The following ATM variants were observed in gnomAD, a reference collection of about 807,000 sequenced individuals.
The protein encoded by ATM is ATM serine/threonine kinase.
ATM carries 308 observed loss-of-function variants against 387.0 expected under a neutral mutation model. The ratio of observed to expected loss-of-function variants is 0.80; its 90% CI spans 0.73 to 0.87. The LOEUF (loss-of-function observed/expected upper bound fraction) is 0.87. ATM is among the 40% of genes least tolerant of loss of function. The pLI, the probability that ATM is intolerant of heterozygous loss-of-function variation, is 0.00. For missense variants in ATM, 3,312 were observed against 3,560.9 expected (o/e 0.93, Z 1.78); for synonymous variants, 1,156 against 1,187.3 (o/e 0.97, Z 0.54).
At position 108,366,339 on chromosome 11, in the gene ATM, T is replaced by C. The variant is rs1460137110; in HGVS notation, c.*831T>C. Reference sequence around the variant, plus strand: ...GGGCTTCTTCTTTCAGAAATTGTTTTTCATTTCTAATTATGCATCATTTTT... The same window carrying C: ...GGGCTTCTTCTTTCAGAAATTGTTTCTCATTTCTAATTATGCATCATTTTT... On this transcript the variant is annotated 3_prime_UTR_variant, in exon 63 of 63. Transcript: ENST00000675843. 4.7e-6 allele frequency: 1 copy of C among 212,678 alleles called. No homozygotes were observed. Among genetic ancestry groups the C allele is most frequent in the East Asian group, 7.1e-5 (1 of 14,120 alleles). 13.2% of individuals were successfully genotyped at this position (212,678 alleles called of 1,614,324 possible).
At chr11:108,297,956 AAATT>A (rs2083213662) in intron 33 of ATM, among the ~76,000 whole-genome samples, 1 of 152,248 alleles carries the variant, frequency 6.6e-6, no homozygotes, top group African/African-American at 2.4e-5. Context: ...AGTTGCAAAT[AAATT>A]GACTGCCGAT....
chr11:108,260,570 C>A (rs1565402451), intron 16 of ATM, among the ~76,000 whole-genome samples: 2 of 152,188 alleles, frequency 1.3e-5, no homozygotes, highest in Non-Finnish European at 2.9e-5. Context: ...TTTTCCTACA[C>A]CCTCTTTGGG....
At chr11:108,312,633 A>G in intron 40 of ATM, 135 bp downstream of exon 40, 2 of 660,234 alleles carry the variant, frequency 3.0e-6, no homozygotes, top group South Asian at 3.7e-5. Flanking sequence ...TATATATAAA[A>G]TTATGGTCTG....
In ATM at chr11:108,258,900, C is replaced by G. The variant is rs2080684312; in HGVS notation, c.2377-86C>G. The G allele has an allele frequency of 4.8e-6, 5 of 1,043,844 alleles. No individual in the cohort carries two copies. The Admixed American group carries it at 9.4e-5, about 20-fold the overall frequency. The allele number at this position is 1,043,844 out of a possible 1,614,324, so 64.7% of individuals were successfully genotyped here. ...TAATAGTAAACTATTTATCTACATT[C>G]CATTCAAGATAGAGAAAACACTGTC... On this transcript the variant is annotated intron_variant, in intron 15 of 62. Transcript: ENST00000675843.
At chr11:108,358,129 C>T (rs954117393) in intron 61 of ATM, among the ~76,000 whole-genome samples, 11 of 151,130 alleles carry the variant, frequency 7.3e-5, no homozygotes, top group Admixed American at 2.0e-4. Context: ...AATCAAGGCT[C>T]GAGAACTATG....
In ATM at chr11:108,289,845, C is replaced by G. The variant is rs933874954; in HGVS notation, c.4436+44C>G. ...CCAATATATAAGCAGTCTTTCTATC[C>G]TGTTCTTCCTGTTTTTTTGCTTTGT... On this transcript the variant is annotated intron_variant, in intron 29 of 62. Transcript: ENST00000675843. The G allele has an allele frequency of 2.6e-6, 4 of 1,551,016 alleles. No homozygotes were observed. The South Asian group carries it at 4.5e-5, about 18-fold the overall frequency.
In ATM at chr11:108,297,326, A is replaced by G. The variant is rs55870064; in HGVS notation, c.4949A>G (p.Asn1650Ser). The change falls in exon 33 of 63, where the codon AAT (asparagine) becomes AGT (serine). Residue 1650 changes from asparagine to serine, a missense_variant. Asn to Ser is a conservative substitution (Grantham distance 46). Transcript: ENST00000675843. ...GGGATTATGGTGAAACTAGTTGTCA[A>G]TTTGTTGCAGTTATCCAAGATGGCA... ...QDGIMVKLVV[N>S]LLQLSKMAIN... 355 of 1,614,076 alleles carry G rather than the reference A, an allele frequency of 2.2e-4. 1 individual carries two copies. In the East Asian group the frequency reaches 6.3e-3, roughly 28 times the overall value.
At chr11:108,233,158 A>C (rs2079103952) in intron 4 of ATM, among the ~76,000 whole-genome samples, 1 of 152,130 alleles carries the variant, frequency 6.6e-6, no homozygotes, top group African/African-American at 2.4e-5. Flanking sequence ...CACTGTGCCC[A>C]CCCTGTTCAT....
chr11:108,284,102 A>T (rs2135702043), intron 25 of ATM, 125 bp from the exon 26 acceptor site: 2 of 711,906 alleles, frequency 2.8e-6, no homozygotes, highest in East Asian at 2.9e-5. Context: ...AAGAATGTTT[A>T]ATAATCTGGA....
intron 5 of ATM, among the ~76,000 whole-genome samples, chr11:108,241,742 CTT>C (rs1206745957): frequency 0.052 from 2,359 of 44,988 alleles, 32 homozygotes; most frequent in African/African-American, 0.16. Context: ...TTCTTTCTTT[CTT>C]TTTTTTTTTT....
chr11:108,246,465 T>G (rs922941102), intron 7 of ATM, among the ~76,000 whole-genome samples: 1 of 152,216 alleles, frequency 6.6e-6, no homozygotes, highest in Non-Finnish European at 1.5e-5. Flanking sequence ...TTTCGCATAC[T>G]AGTCAAGCCA....
rs1016995551 is a variant in ATM, at chr11:108,241,290, TAAG to T, written c.497-2653_497-2651del. On this transcript the variant is annotated intron_variant, in intron 5 of 62. Transcript: ENST00000675843. ...TACTGTTTTGTTTTGTTTTGTTTTT[TAAG>T]AAGAAGAAGGAGGAATATAGTATAA... 7.9e-5 allele frequency among the ~76,000 whole-genome samples: 12 copies of T among 152,288 alleles called. No homozygotes were observed. Among genetic ancestry groups the T allele is most frequent in the East Asian group, 5.8e-4 (3 of 5,192 alleles).
rs2135927349 is a variant in ATM, at chr11:108,302,874, G to A, written c.5341G>A (p.Asp1781Asn). Reference sequence around the variant, plus strand: ...CTAGTTTTTAGAAGTACCCAGATTTGACAAAGAAAACCCTTTTGAAGGCCT... The same window carrying A: ...CTAGTTTTTAGAAGTACCCAGATTTAACAAAGAAAACCCTTTTGAAGGCCT... ...RKKFLEVPRF[D>N]KENPFEGLDD... The change falls in exon 36 of 63, where the codon GAC becomes AAC. Residue 1781 changes from aspartate (D) to asparagine (N), a missense_variant. By Grantham distance (23) the Asp-to-Asn change is conservative. Around this residue, in one of 4 missense-constraint regions of ATM, gnomAD observed 1,405 missense variants for 1,604.4 expected, o/e 0.88. Transcript: ENST00000675843. 6.2e-7 allele frequency: 1 copy of A among 1,612,734 alleles called. No homozygotes were observed. The highest frequency in any genetic ancestry group is 1.1e-5 in the South Asian group (1 of 90,992).
intron 1 of ATM, 80 bp from the exon 2 acceptor site, chr11:108,227,515 C>G: frequency 1.2e-6 from 1 of 865,496 alleles, no homozygotes; most frequent in South Asian, 1.5e-5. Flanking sequence ...TAATTATATA[C>G]ACATTTTTTC....
At chr11:108,267,564 A>G (rs1431455165) in intron 17 of ATM, among the ~76,000 whole-genome samples, 1 of 152,100 alleles carries the variant, frequency 6.6e-6, no homozygotes, top group Non-Finnish European at 1.5e-5. Context: ...TAACTATTAA[A>G]GAAATAAAAC....
At chr11:108,253,639 G>A (rs2080275479) in intron 12 of ATM, among the ~76,000 whole-genome samples, 175 bp from the exon 13 acceptor site, 2 of 151,874 alleles carry the variant, frequency 1.3e-5, no homozygotes, top group South Asian at 4.2e-4. Flanking sequence ...GATATAAGTA[G>A]GTCTCAAAGT....
intron 56 of ATM, among the ~76,000 whole-genome samples, chr11:108,337,185 G>A (rs1428329750): frequency 6.6e-6 from 1 of 152,134 alleles, no homozygotes; most frequent in African/African-American, 2.4e-5. Context: ...ACTGCTTTCA[G>A]AGACTAAATA....
rs746475628 is a variant in ATM at position 108,343,280 on chromosome 11, T to C, written c.8327T>C (p.Ile2776Thr). The change falls in exon 57 of 63, where the codon ATT becomes ACT. Residue 2776 changes from isoleucine (I) to threonine (T), a missense_variant. By Grantham distance (89) the Ile-to-Thr change is moderately conservative. Transcript: ENST00000675843. The part of the protein sequence containing the change: ...VLEWCTGTVP[I>T]GEFLVNNEDG... ...GAATGGTGCACAGGAACTGTCCCCA[T>C]TGGTGAATTTCTTGTTAACAATGAA... 34 of 1,613,882 alleles carry C rather than the reference T, an allele frequency of 2.1e-5. No individual in the cohort carries two copies. Among genetic ancestry groups the C allele is most frequent in the Middle Eastern group, 1.6e-4 (1 of 6,082 alleles).
chr11:108,273,316 T>TATATTA (rs1440302997), intron 22 of ATM, among the ~76,000 whole-genome samples: 6 of 148,732 alleles, frequency 4.0e-5, no homozygotes, highest in Non-Finnish European at 8.9e-5. Flanking sequence ...GGAATAAACA[T>TATATTA]ATATTAATTT....
Sources: gnomAD v4.1 joint callset for allele counts (sites outside exome capture counted in the v4.1 genomes callset) on GRCh38, gnomAD v4.1.1 for gene constraint, gnomAD v4.1.1 regional missense constraint, MANE v1.5 for transcripts, NCBI Gene and HGNC (gene_info 2026-07-23, HGNC 2026-07-21) for gene names.